The following IGSF10 variants were observed in gnomAD, a reference collection of about 807,000 sequenced individuals.
The protein encoded by IGSF10 is calvaria mechanical force protein 608.
Under a neutral mutation model 128.2 loss-of-function variants are expected in IGSF10, and 126 were observed. The ratio of observed to expected loss-of-function variants is 0.98; its 90% CI spans 0.85 to 1.14. IGSF10 has a LOEUF of 1.14. Ranked by LOEUF, IGSF10 falls within the 50% of genes most tolerant of loss-of-function variation. The pLI is 0.00. For missense variants in IGSF10, 3,295 were observed against 3,149.8 expected, an observed-to-expected ratio of 1.05 and a Z score of -1.10; for synonymous variants, 1,185 against 1,146.2, an observed-to-expected ratio of 1.03 and a Z score of -0.68.
chr3:151,608,345 G>A, the IGSF10 span, among the ~76,000 whole-genome samples: 1 of 152,188 alleles, frequency 6.6e-6, no homozygotes, highest in African/African-American at 2.4e-5. Context: ...GCATGGAGCT[G>A]AGCATGGTTT....
chr3:151,583,680 C>T, the IGSF10 span, among the ~76,000 whole-genome samples: 1 of 152,168 alleles, frequency 6.6e-6, no homozygotes, highest in Non-Finnish European at 1.5e-5. Flanking sequence ...ACATATGTAA[C>T]AAACCTGCAC....
intron 5 of IGSF10, among the ~76,000 whole-genome samples, chr3:151,449,940 G>A (rs1173129365): frequency 2.0e-5 from 3 of 152,174 alleles, no homozygotes; most frequent in South Asian, 2.1e-4. Flanking sequence ...GGAAGACTCC[G>A]TTTTATGACT....
At position 151,443,131 on chromosome 3, in the gene IGSF10, G is replaced by A; in HGVS notation, c.5816C>T (p.Thr1939Ile). 1.2e-6 allele frequency: 2 copies of A among 1,614,198 alleles called. No homozygotes were observed. The highest frequency in any genetic ancestry group is 8.5e-7 in the Non-Finnish European group (1 of 1,180,036). ...VVMLTMEERV[T>I]SPRIEAASQK... ...GGATGCAGCTTCTATCCTGGGGCTG[G>A]TCACTCGCTCTTCCATTGTAAGCAT... is the stretch of plus-strand genomic sequence containing the variant. Residue 1939 changes from threonine (T) to isoleucine (I), a missense_variant, in exon 7 of 8, where the codon ACC (threonine) becomes ATC (isoleucine). By Grantham distance (89) the Thr-to-Ile change is moderately conservative (BLOSUM62 -1). Coordinates refer to ENST00000282466, the MANE Select transcript of IGSF10 (RefSeq NM_178822.5).
chr3:151,535,198 G>A, the IGSF10 span, among the ~76,000 whole-genome samples: 1 of 152,084 alleles, frequency 6.6e-6, no homozygotes, highest in African/African-American at 2.4e-5. Flanking sequence ...TTTATTCCTA[G>A]TAGAGGTATT....
At chr3:151,462,198 C>T (rs1216913150), upstream of IGSF10, among the ~76,000 whole-genome samples, 1 of 152,128 alleles carries the variant, frequency 6.6e-6, no homozygotes. Flanking sequence ...CACGTAGTTA[C>T]ATAGCACTTA....
chr3:151,547,425 T>TACAC, the IGSF10 span, among the ~76,000 whole-genome samples: 155 of 85,098 alleles, frequency 1.8e-3, no homozygotes, highest in Admixed American at 4.0e-3. Flanking sequence ...TATAAATATA[T>TACAC]ATATACACAC....
the IGSF10 span, among the ~76,000 whole-genome samples, chr3:151,534,116 C>T: frequency 2.7e-5 from 4 of 148,286 alleles, no homozygotes; most frequent in Admixed American, 1.4e-4. Flanking sequence ...GATAACATCT[C>T]ACATCAGTTA....
the IGSF10 span, among the ~76,000 whole-genome samples, chr3:151,470,541 G>A: frequency 6.6e-6 from 1 of 152,126 alleles, no homozygotes; most frequent in Non-Finnish European, 1.5e-5. Context: ...TCATGAGCAG[G>A]CTGTTGGCCA....
the IGSF10 span, among the ~76,000 whole-genome samples, chr3:151,484,519 T>C: frequency 2.1e-4 from 32 of 151,834 alleles, no homozygotes; most frequent in Non-Finnish European, 4.0e-4. Context: ...CACCTCCCAG[T>C]AGGGGCCAAC....
the IGSF10 span, among the ~76,000 whole-genome samples, chr3:151,522,075 A>G: frequency 6.6e-6 from 1 of 152,144 alleles, no homozygotes; most frequent in African/African-American, 2.4e-5. Context: ...GAACACCTTT[A>G]TGAACACAAA....
At position 151,437,063 on chromosome 3, in the gene IGSF10, C is replaced by T. The variant is rs1453437458; in HGVS notation, c.7498G>A (p.Asp2500Asn). 6.2e-7 allele frequency: 1 copy of T among 1,614,186 alleles called. No individual in the cohort carries two copies. Among genetic ancestry groups the T allele is most frequent in the East Asian group, 2.2e-5 (1 of 44,886 alleles). ...GCCTTACAGATATAGTTTCCTCTGT[C>T]ATAAGCTGTTGCTTCTTTAATGACT... is the stretch of plus-strand genomic sequence containing the variant. ...TLVIKEATAY[D>N]RGNYICKAQN... Residue 2500 changes from aspartate (D) to asparagine (N), a missense_variant, in exon 8 of 8, where the codon GAC becomes AAC. Transcript: ENST00000282466.
At chr3:151,556,516 A>G in the IGSF10 span, among the ~76,000 whole-genome samples, 1 of 152,176 alleles carries the variant, frequency 6.6e-6, no homozygotes. Flanking sequence ...AACAAGATGT[A>G]AGAAGCTTTA....
the IGSF10 span, among the ~76,000 whole-genome samples, chr3:151,484,475 G>A: frequency 6.6e-6 from 1 of 152,122 alleles, no homozygotes; most frequent in Non-Finnish European, 1.5e-5. Flanking sequence ...CTCCTCAAGT[G>A]GGTCCCTGAC....
the IGSF10 span, among the ~76,000 whole-genome samples, chr3:151,483,760 C>G: frequency 8.5e-5 from 13 of 152,196 alleles, no homozygotes; most frequent in African/African-American, 2.9e-4. Context: ...CTGTACCATG[C>G]ACTCTGGCCC....
downstream of IGSF10, chr3:151,435,062 C>CTTTTTTTTTTTTTTTTTTTTTTTTTTT (rs66791814): frequency 8.4e-6 from 1 of 119,082 alleles, no homozygotes; most frequent in Non-Finnish European, 1.7e-5. Context: ...TGAGAGGTTT[C>CTTTTTTTTTTTTTTTTTTTTTTTTTTT]TTTTTTTTTT....
At chr3:151,521,629 CA>C in the IGSF10 span, among the ~76,000 whole-genome samples, 2 of 151,754 alleles carry the variant, frequency 1.3e-5, no homozygotes, top group South Asian at 4.1e-4. Flanking sequence ...TAATGAAATT[CA>C]AAAGCAGAAA....
chr3:151,445,796 A>G lies in IGSF10; in HGVS notation c.4185T>C (p.His1395=). The G allele has an allele frequency of 1.2e-6, 2 of 1,614,190 alleles. No homozygotes were observed. Among genetic ancestry groups the G allele is most frequent in the Non-Finnish European group, 1.7e-6 (2 of 1,180,028 alleles). Reference sequence around the variant, plus strand: ...TCCCAGTTGTGTTTTCTGGTGGGGAATGAGTGAATGCAGAGACACTGGGCT... The same window carrying G: ...TCCCAGTTGTGTTTTCTGGTGGGGAGTGAGTGAATGCAGAGACACTGGGCT... ...SVKPSVSAFT[H]SPPENTTGIS... is the part of the protein sequence containing the mutation. The change falls in exon 6 of 8, where the codon CAT becomes CAC. Residue 1395 remains histidine (H), a synonymous_variant. Transcript: ENST00000282466.
At chr3:151,449,320 A>G in intron 5 of IGSF10, 55 bp from the exon 6 acceptor site, 1 of 1,433,790 alleles carries the variant, frequency 7.0e-7, no homozygotes, top group Non-Finnish European at 9.3e-7. Context: ...GAATTGACAC[A>G]AACATTTTGA....
chr3:151,541,320 A>G, the IGSF10 span, among the ~76,000 whole-genome samples: 1 of 152,190 alleles, frequency 6.6e-6, no homozygotes, highest in East Asian at 1.9e-4. Flanking sequence ...TTTACATTAT[A>G]TGGGAGGCTA....
Sources: allele counts gnomAD v4.1 joint callset (sites outside exome capture counted in the v4.1 genomes callset), GRCh38; gene constraint gnomAD v4.1.1; transcripts MANE v1.5; gene names NCBI Gene and HGNC (gene_info 2026-07-23, HGNC 2026-07-21).